Variants in MCTP1 observed in about 807,000 individuals in gnomAD.
The protein encoded by MCTP1 is multiple C2 and transmembrane domain-containing protein 1.
A neutral mutation model predicts 120.6 loss-of-function variants in MCTP1; 69 were observed. The ratio of observed to expected loss-of-function variants is 0.57; its 90% CI spans 0.47 to 0.70. MCTP1 has a LOEUF of 0.70. Ranked by LOEUF, MCTP1 falls within the 30% of genes least tolerant of loss-of-function variation. The pLI is 0.00. For missense variants in MCTP1, 1,203 were observed against 1,248.8 expected, an observed-to-expected ratio of 0.96 and a Z score of 0.55; for synonymous variants, 529 against 493.1, an observed-to-expected ratio of 1.07 and a Z score of -0.96.
At chr5:94,730,957 CACACACACACAT>C (rs1763016977) in intron 19 of MCTP1, among the ~76,000 whole-genome samples, 1 of 139,116 alleles carries the variant, frequency 7.2e-6, no homozygotes, top group Non-Finnish European at 1.6e-5. Flanking sequence ...ACACTCCACA[CACACACACACAT>C]TGCAGAACAC....
intron 1 of MCTP1, among the ~76,000 whole-genome samples, chr5:95,099,765 A>T (rs1220245339): frequency 6.6e-6 from 1 of 151,260 alleles, no homozygotes; most frequent in African/African-American, 2.4e-5. Flanking sequence ...CAGCCATCCC[A>T]TTACTGGGTA....
chr5:94,868,369 A>T lies in MCTP1; in HGVS notation c.2400T>A (p.Asp800Glu). 6.2e-7 allele frequency: 1 copy of T among 1,608,038 alleles called. No individual in the cohort carries two copies. Among genetic ancestry groups the T allele is most frequent in the South Asian group, 1.1e-5 (1 of 90,208 alleles). ...NAAYYVNSCF[D>E]WDSPPRSLAA... The stretch of plus-strand genomic sequence containing the variant: ...CGAGACTCCTTGGGGGTGAATCCCA[A>T]TCAAAGCAACTATTAACGTAGTATG... The change falls in exon 17 of 23, where the codon GAT (aspartate) becomes GAA (glutamate). Residue 800 changes from aspartate (D) to glutamate (E), a missense_variant. By Grantham distance (45) the Asp-to-Glu change is conservative (BLOSUM62 2). Around this residue, in one of 2 missense-constraint regions of MCTP1, gnomAD observed 740 missense variants for 871.1 expected, o/e 0.85. Transcript: ENST00000515393.
intron 2 of MCTP1, among the ~76,000 whole-genome samples, chr5:94,957,124 A>C (rs1377327478): frequency 6.6e-6 from 1 of 152,210 alleles, no homozygotes; most frequent in Non-Finnish European, 1.5e-5. Flanking sequence ...ACATTCTTAA[A>C]GAAAGGAATT....
At chr5:95,166,660 C>T (rs1273523383) in intron 1 of MCTP1, among the ~76,000 whole-genome samples, 5 of 151,342 alleles carry the variant, frequency 3.3e-5, no homozygotes, top group African/African-American at 4.9e-5. Flanking sequence ...CTCTGCCTCC[C>T]GGGTTCACGC....
At chr5:94,874,620 C>A (rs892171952) in intron 12 of MCTP1, among the ~76,000 whole-genome samples, 1 of 152,054 alleles carries the variant, frequency 6.6e-6, no homozygotes, top group Non-Finnish European at 1.5e-5. Flanking sequence ...GAAAATTGTA[C>A]TTCTGGCTTA....
chr5:94,889,938 C>A (rs1802211314), intron 11 of MCTP1, among the ~76,000 whole-genome samples: 1 of 152,132 alleles, frequency 6.6e-6, no homozygotes, highest in Non-Finnish European at 1.5e-5. Context: ...AGCCAGCAAA[C>A]CACTCCAAGA....
chr5:95,259,848 C>G (rs1171845325), intron 1 of MCTP1, among the ~76,000 whole-genome samples: 1 of 152,182 alleles, frequency 6.6e-6, no homozygotes, highest in Non-Finnish European at 1.5e-5. Context: ...GTAGAAGAAG[C>G]TCTTAATGAT....
At chr5:94,893,664 A>G (rs758146846) in intron 11 of MCTP1, among the ~76,000 whole-genome samples, 8 of 152,230 alleles carry the variant, frequency 5.3e-5, no homozygotes, top group Non-Finnish European at 1.0e-4. Context: ...GAGCATTAGT[A>G]CCAGCACTTC....
At chr5:95,228,694 C>T (rs76018722) in intron 1 of MCTP1, among the ~76,000 whole-genome samples, 2,265 of 152,192 alleles carry the variant, frequency 0.015, 54 homozygotes, top group East Asian at 0.12. Context: ...AATCATGGGG[C>T]AGATTTCTCA....
intron 2 of MCTP1, among the ~76,000 whole-genome samples, chr5:95,005,481 T>C (rs111457169): frequency 0.029 from 4,386 of 152,230 alleles, 83 homozygotes; most frequent in Admixed American, 0.042. Flanking sequence ...CCCAATCTCA[T>C]GTCAAATTGT....
At chr5:94,920,470 C>T (rs1160908169) in intron 7 of MCTP1, among the ~76,000 whole-genome samples, 3 of 152,102 alleles carry the variant, frequency 2.0e-5, no homozygotes, top group South Asian at 2.1e-4. Flanking sequence ...CGGCAGGGCG[C>T]GGTGGCTCAC....
At chr5:94,865,045 A>G (rs1036465201) in intron 17 of MCTP1, among the ~76,000 whole-genome samples, 1 of 151,858 alleles carries the variant, frequency 6.6e-6, no homozygotes, top group African/African-American at 2.4e-5. Flanking sequence ...GACAATATTC[A>G]CAGTAAAATT....
intron 17 of MCTP1, among the ~76,000 whole-genome samples, chr5:94,813,105 T>G (rs1265568088): frequency 6.6e-6 from 1 of 151,910 alleles, no homozygotes; most frequent in East Asian, 1.9e-4. Context: ...GTATTCAGAG[T>G]ATGTAGAGTA....
At chr5:94,964,308 T>G (rs1211318888) in intron 2 of MCTP1, among the ~76,000 whole-genome samples, 1 of 152,206 alleles carries the variant, frequency 6.6e-6, no homozygotes, top group Non-Finnish European at 1.5e-5. Flanking sequence ...ATATTTTGTG[T>G]GTGCTTGAGA....
chr5:95,146,178 G>GA (rs1760376793), intron 1 of MCTP1, among the ~76,000 whole-genome samples: 1 of 152,128 alleles, frequency 6.6e-6, no homozygotes, highest in African/African-American at 2.4e-5. Flanking sequence ...TGTGTGCACA[G>GA]AGGTGTTCAT....
chr5:95,090,878 G>GCACA, intron 1 of MCTP1, among the ~76,000 whole-genome samples: 1 of 152,016 alleles, frequency 6.6e-6, no homozygotes, highest in South Asian at 2.1e-4. Context: ...CAAAGTCATT[G>GCACA]AGCCCTCTGC....
At chr5:94,799,155 G>C in intron 17 of MCTP1, 23 bp from the exon 18 acceptor site, 1 of 1,603,386 alleles carries the variant, frequency 6.2e-7, no homozygotes. Context: ...GAAGAGAGAA[G>C]AAGGGATGAG....
intron 7 of MCTP1, among the ~76,000 whole-genome samples, chr5:94,923,069 T>C (rs1348994012): frequency 6.6e-6 from 1 of 150,828 alleles, no homozygotes; most frequent in African/African-American, 2.4e-5. Flanking sequence ...TGGCGTATAC[T>C]TGCTCACTGG....
intron 1 of MCTP1, among the ~76,000 whole-genome samples, chr5:95,214,531 T>C (rs1414658334): frequency 6.6e-6 from 1 of 152,176 alleles, no homozygotes; most frequent in Non-Finnish European, 1.5e-5. Context: ...ACCCAAAGGA[T>C]TATAAATCAT....
Sources: allele counts gnomAD v4.1 joint callset (sites outside exome capture counted in the v4.1 genomes callset), GRCh38; gene constraint gnomAD v4.1.1; regional missense constraint gnomAD v4.1.1; transcripts MANE v1.5; gene names NCBI Gene and HGNC (gene_info 2026-07-23, HGNC 2026-07-21).